The following FKBP5 variants were observed in gnomAD, a reference collection of about 807,000 sequenced individuals.
FKBP5 encodes peptidyl-prolyl cis-trans isomerase FKBP5.
FKBP5 carries 23 observed loss-of-function variants against 50.5 expected under a neutral mutation model. That is an observed-to-expected ratio of 0.46 (90% CI 0.33 to 0.65). The LOEUF is 0.65. FKBP5 is among the 30% of genes least tolerant of loss of function. The pLI, the probability that FKBP5 is intolerant of heterozygous loss-of-function variation, is 0.02. For missense variants in FKBP5, 411 were observed against 553.1 expected, an observed-to-expected ratio of 0.74 and a Z score of 2.58; for synonymous variants, 176 against 190.6, an observed-to-expected ratio of 0.92 and a Z score of 0.63.
chr6:35,683,807 T>C (rs577067321), intron 1 of FKBP5, among the ~76,000 whole-genome samples: 72 of 152,122 alleles, frequency 4.7e-4, no homozygotes, highest in African/African-American at 1.6e-3. Context: ...ATCCCAGCAC[T>C]TTGGGAGGTC....
intron 2 of FKBP5, among the ~76,000 whole-genome samples, chr6:35,699,986 G>C (rs552735396): frequency 6.8e-4 from 104 of 152,106 alleles, no homozygotes; most frequent in African/African-American, 2.1e-3. Context: ...GGCAGAGACT[G>C]TAGTGAGCTG....
At chr6:35,693,602 C>T (rs1055748295), upstream of FKBP5, among the ~76,000 whole-genome samples, 1 of 152,054 alleles carries the variant, frequency 6.6e-6, no homozygotes, top group African/African-American at 2.4e-5. Flanking sequence ...TCACTGCAAC[C>T]TCCGCTTCCC....
intron 2 of FKBP5, among the ~76,000 whole-genome samples, chr6:35,702,395 A>T (rs1766204696): frequency 2.0e-5 from 3 of 151,700 alleles, no homozygotes; most frequent in Admixed American, 2.0e-4. Context: ...AAAAGAAAAG[A>T]TAGTCTTTTG....
At chr6:35,703,730 T>C (rs1327824726) in intron 2 of FKBP5, among the ~76,000 whole-genome samples, 1 of 152,148 alleles carries the variant, frequency 6.6e-6, no homozygotes, top group Non-Finnish European at 1.5e-5. Context: ...GCTAGAACAT[T>C]GACATGTGAC....
chr6:35,610,591 A>AAAAAG (rs71002577), intron 5 of FKBP5, among the ~76,000 whole-genome samples: 41 of 147,942 alleles, frequency 2.8e-4, no homozygotes, highest in Non-Finnish European at 6.0e-4. Context: ...AAAAAAAAAA[A>AAAAAG]GTTTCAAAAA....
At position 35,638,303 on chromosome 6, in the gene FKBP5, G is replaced by T. The variant is rs140419645; in HGVS notation, c.106-1145C>A. 3.0e-3 allele frequency among the ~76,000 whole-genome samples: 452 copies of T among 152,230 alleles called. 2 individuals are homozygous for T. Among genetic ancestry groups the T allele is most frequent in the African/African-American group, 8.0e-3 (333 of 41,544 alleles). ...GCTTTGAGTTTTATTTAAATAATTC[G>T]ATTATTTGCTCCTAAATTCTTTTTT... On this transcript the variant is annotated intron_variant, in intron 2 of 10. Transcript: ENST00000357266.
intron 8 of FKBP5, chr6:35,585,861 GGCT>G (rs1762582765): frequency 1.0e-6 from 1 of 985,120 alleles, no homozygotes; most frequent in South Asian, 4.7e-5. Context: ...GGTGCCCTCT[GGCT>G]GTGTTAATTT....
chr6:35,705,301 C>T (rs1766288145), intron 2 of FKBP5, among the ~76,000 whole-genome samples: 1 of 109,616 alleles, frequency 9.1e-6, no homozygotes, highest in Admixed American at 1.1e-4. Flanking sequence ...GTGTCTCACT[C>T]TGTCACCCAG....
At chr6:35,713,590 G>T (rs1281737801) in intron 2 of FKBP5, among the ~76,000 whole-genome samples, 1 of 152,180 alleles carries the variant, frequency 6.6e-6, no homozygotes, top group Admixed American at 6.5e-5. Context: ...TCAGAAGTCA[G>T]TGTAGGAGGC....
At position 35,591,157 on chromosome 6, in the gene FKBP5, A is replaced by AT; in HGVS notation, c.728dup (p.Tyr243Ter). Reference sequence around the variant, plus strand: ...TTTCGAAGCTCTTAAGTGTAACTTCATATATAAGCTCAGCATTAGGTTCAA... The same window carrying AT: ...TTTCGAAGCTCTTAAGTGTAACTTCATTATATAAGCTCAGCATTAGGTTCAA... ...FGIEPNAELIYEVTLKSFEKA... is the reference protein window; with the variant it reads ...FGIEPNAELI The change falls in exon 7 of 11, where the codon TAT (tyrosine) becomes TAAT (stop). Residue 243 changes from tyrosine to a stop codon, truncating the protein, a stop_gained and frameshift_variant. Coordinates refer to ENST00000357266, the MANE Select transcript of FKBP5 (RefSeq NM_004117.4). LOFTEE classifies it high-confidence loss of function. 1.2e-6 allele frequency: 2 copies of AT among 1,612,880 alleles called. No homozygotes were observed. The highest frequency in any genetic ancestry group is 1.7e-6 in the Non-Finnish European group (2 of 1,179,362).
chr6:35,592,472 A>G (rs1223736279), intron 6 of FKBP5, among the ~76,000 whole-genome samples: 3 of 152,310 alleles, frequency 2.0e-5, no homozygotes, highest in Non-Finnish European at 2.9e-5. Flanking sequence ...CAAAGACATA[A>G]TTACCAGTGA....
At chr6:35,585,994 T>G in intron 8 of FKBP5, 3 of 985,310 alleles carry the variant, frequency 3.0e-6, no homozygotes, top group Non-Finnish European at 2.4e-6. Context: ...AGATGCCCCA[T>G]AAAGACTTGT....
intron 2 of FKBP5, among the ~76,000 whole-genome samples, chr6:35,708,019 A>G (rs940076231): frequency 1.9e-4 from 29 of 152,182 alleles, no homozygotes; most frequent in Non-Finnish European, 4.4e-5. Context: ...GTGTGGGAAA[A>G]TATTATTGGT....
At chr6:35,605,820 G>A (rs543030170) in intron 5 of FKBP5, among the ~76,000 whole-genome samples, 14 of 152,210 alleles carry the variant, frequency 9.2e-5, no homozygotes, top group Non-Finnish European at 1.3e-4. Flanking sequence ...ATCAGTATGC[G>A]GCAAGTCCTA....
chr6:35,690,849 A>C (rs988402600), upstream of FKBP5, among the ~76,000 whole-genome samples: 2 of 151,586 alleles, frequency 1.3e-5, no homozygotes, highest in Non-Finnish European at 2.9e-5. Flanking sequence ...TTTACTAAAA[A>C]TACGAAATTA....
At chr6:35,694,966 A>T (rs1399054311) in intron 2 of FKBP5, among the ~76,000 whole-genome samples, 1 of 152,238 alleles carries the variant, frequency 6.6e-6, no homozygotes, top group East Asian at 1.9e-4. Context: ...AAAGCAGCAT[A>T]TAATAAATAA....
chr6:35,595,844 G>T (rs1762968918), intron 6 of FKBP5, among the ~76,000 whole-genome samples: 3 of 151,938 alleles, frequency 2.0e-5, no homozygotes, highest in Admixed American at 2.0e-4. Flanking sequence ...CCTAGAAACA[G>T]AATTAGTTTC....
In FKBP5 at chr6:35,586,865, T is replaced by G. The variant is rs1762616414; in HGVS notation, c.840+169A>C. Reference sequence around the variant, plus strand: ...ATCTGTACTTTTTTTTTTTTCCACATGATTGTTTTCTCACCATTTTTCATA... The same window carrying G: ...ATCTGTACTTTTTTTTTTTTCCACAGGATTGTTTTCTCACCATTTTTCATA... On this transcript the variant is annotated intron_variant, in intron 8 of 10. Coordinates refer to ENST00000357266, the MANE Select transcript of FKBP5 (RefSeq NM_004117.4). 6.2e-6 allele frequency: 9 copies of G among 1,447,428 alleles called. No homozygotes were observed. The South Asian group carries it at 1.2e-4, about 19-fold the overall frequency. 89.7% of individuals were successfully genotyped at this position (1,447,428 alleles called of 1,614,324 possible). A position where few individuals can be genotyped will look rare whatever the true frequency, so the allele number is the denominator to read the frequency against.
intron 1 of FKBP5, among the ~76,000 whole-genome samples, chr6:35,687,481 AT>A (rs1453530340): frequency 6.6e-6 from 1 of 152,226 alleles, no homozygotes; most frequent in Non-Finnish European, 1.5e-5. Flanking sequence ...TTACTTTATA[AT>A]TCTCTAAAGT....
Sources: gnomAD v4.1 joint callset for allele counts (sites outside exome capture counted in the v4.1 genomes callset) on GRCh38, gnomAD v4.1.1 for gene constraint, MANE v1.5 for transcripts, NCBI Gene and HGNC (gene_info 2026-07-23, HGNC 2026-07-21) for gene names.